Variants in CPEB1 observed in about 807,000 individuals in gnomAD.
The protein encoded by CPEB1 is cytoplasmic polyadenylation element binding protein 1.
Under a neutral mutation model 65.8 loss-of-function variants are expected in CPEB1, and 7 were observed. The ratio of observed to expected loss-of-function variants is 0.11; its 90% CI spans 0.06 to 0.20. The LOEUF is 0.20. Among genes scored for constraint, CPEB1 ranks in the 10% least tolerant of loss-of-function variants. CPEB1 has a pLI of 1.00. For missense variants in CPEB1, 551 were observed against 712.2 expected (o/e 0.77, Z 2.58); for synonymous variants, 262 against 260.0 (o/e 1.01, Z -0.08).
intron 3 of CPEB1, among the ~76,000 whole-genome samples, chr15:82,605,952 C>T (rs145560127): frequency 1.3e-5 from 2 of 152,220 alleles, no homozygotes; most frequent in Admixed American, 6.5e-5. Flanking sequence ...AGAGGAGAAT[C>T]GCTTGAACCC....
chr15:82,621,359 C>T (rs1441165691), intron 3 of CPEB1, among the ~76,000 whole-genome samples: 2 of 151,602 alleles, frequency 1.3e-5, no homozygotes, highest in Non-Finnish European at 2.9e-5. Context: ...CAGTGGCTCA[C>T]GCCTGTAATC....
chr15:82,559,065 C>T (rs1360640070), intron 4 of CPEB1, among the ~76,000 whole-genome samples: 1 of 152,056 alleles, frequency 6.6e-6, no homozygotes, highest in African/African-American at 2.4e-5. Flanking sequence ...GCCCCACTTC[C>T]GCCCTGACTA....
At chr15:82,600,939 C>G (rs2043060927) in intron 3 of CPEB1, among the ~76,000 whole-genome samples, 1 of 104,486 alleles carries the variant, frequency 9.6e-6, no homozygotes, top group African/African-American at 3.7e-5. Flanking sequence ...AAGTTTTGCT[C>G]TATTGCCCAG....
At chr15:82,562,042 C>T (rs2038309452) in intron 4 of CPEB1, 2 of 363,894 alleles carry the variant, frequency 5.5e-6, no homozygotes, top group Non-Finnish European at 1.1e-5. Flanking sequence ...GCTGTTACTA[C>T]TGCATCTTAA....
chr15:82,580,301 C>CAGAGCAAGACTCTGTCTT lies in CPEB1; in HGVS notation c.272-8787_272-8770dup, dbSNP rs2041145507. 3.6e-5 allele frequency among the ~76,000 whole-genome samples: 5 copies of CAGAGCAAGACTCTGTCTT among 137,408 alleles called. No individual in the cohort carries two copies. In the East Asian group the frequency reaches 1.1e-3, roughly 29 times the overall value. 90.1% of individuals were successfully genotyped at this position (137,408 alleles called of 152,430 possible). On this transcript the variant is annotated intron_variant, in intron 3 of 12. Transcript: ENST00000684509. ...ATGCCACTGCACTCCAGCCTGGAGA[C>CAGAGCAAGACTCTGTCTT]AGAGCAAGACTCTGTCTTAAAAAAA...
intron 7 of CPEB1, 138 bp from the exon 8 acceptor site, chr15:82,553,694 G>T (rs2036678536): frequency 7.7e-6 from 6 of 777,422 alleles, no homozygotes; most frequent in Non-Finnish European, 1.1e-5. Context: ...CTGATCTCCG[G>T]TGTAAGCTCC....
At chr15:82,631,153 C>G (rs957129884) in intron 1 of CPEB1, among the ~76,000 whole-genome samples, 1 of 151,980 alleles carries the variant, frequency 6.6e-6, no homozygotes, top group Non-Finnish European at 1.5e-5. Flanking sequence ...GGAAGGAAAT[C>G]TTACTATTTC....
At chr15:82,551,406 C>T (rs1159445558) in intron 9 of CPEB1, among the ~76,000 whole-genome samples, 1 of 152,020 alleles carries the variant, frequency 6.6e-6, no homozygotes, top group Non-Finnish European at 1.5e-5. Context: ...TTATACTGAC[C>T]CATCATCCCC....
intron 4 of CPEB1, among the ~76,000 whole-genome samples, chr15:82,569,424 G>T (rs1391498067): frequency 6.6e-6 from 1 of 152,162 alleles, no homozygotes; most frequent in East Asian, 1.9e-4. Flanking sequence ...TCTGGTTCTG[G>T]TCCTTATGAA....
intron 1 of CPEB1, among the ~76,000 whole-genome samples, chr15:82,645,773 C>G (rs1035774820): frequency 5.9e-5 from 9 of 152,026 alleles, no homozygotes; most frequent in African/African-American, 2.2e-4. Flanking sequence ...GAGGCTGAGG[C>G]AGGAGAATCG....
intron 3 of CPEB1, among the ~76,000 whole-genome samples, chr15:82,577,247 C>CA (rs2040750829): frequency 6.6e-6 from 1 of 152,142 alleles, no homozygotes; most frequent in South Asian, 2.1e-4. Context: ...TTTGTAGAGA[C>CA]AGAGTCTCAC....
intron 12 of CPEB1, among the ~76,000 whole-genome samples, chr15:82,545,114 C>T (rs1286943069): frequency 6.6e-6 from 1 of 152,154 alleles, no homozygotes; most frequent in Non-Finnish European, 1.5e-5. Context: ...GCTTTCTTCC[C>T]ATTAAGTGAG....
intron 3 of CPEB1, among the ~76,000 whole-genome samples, chr15:82,596,928 TC>T (rs2042710245): frequency 6.6e-6 from 1 of 152,206 alleles, no homozygotes; most frequent in African/African-American, 2.4e-5. Flanking sequence ...AGCTTCCCCT[TC>T]ATCCTCCAAT....
intron 3 of CPEB1, among the ~76,000 whole-genome samples, chr15:82,573,569 G>A (rs1231074837): frequency 1.3e-5 from 2 of 152,006 alleles, no homozygotes; most frequent in African/African-American, 4.8e-5. Context: ...ACCCCAATCT[G>A]AGGGCATCTA....
intron 3 of CPEB1, among the ~76,000 whole-genome samples, chr15:82,596,399 A>G (rs2042666535): frequency 6.6e-6 from 1 of 152,196 alleles, no homozygotes; most frequent in Non-Finnish European, 1.5e-5. Flanking sequence ...TATGTACTAA[A>G]AAGTTCATTA....
At chr15:82,610,275 A>C (rs1394588516) in intron 3 of CPEB1, among the ~76,000 whole-genome samples, 2 of 152,128 alleles carry the variant, frequency 1.3e-5, no homozygotes, top group African/African-American at 4.8e-5. Context: ...AATTCTACCA[A>C]AAACCTAAAA....
At chr15:82,579,418 T>C (rs77855679) in intron 3 of CPEB1, among the ~76,000 whole-genome samples, 1 of 152,134 alleles carries the variant, frequency 6.6e-6, no homozygotes, top group East Asian at 1.9e-4. Context: ...GACAGGTACC[T>C]TGTCTCAAAC....
intron 3 of CPEB1, among the ~76,000 whole-genome samples, chr15:82,596,697 C>CAAAA (rs59895391): frequency 3.4e-5 from 3 of 89,112 alleles, no homozygotes; most frequent in African/African-American, 4.2e-5. Context: ...GACTCTGTCT[C>CAAAA]AAAAAAAAAA....
intron 3 of CPEB1, among the ~76,000 whole-genome samples, chr15:82,592,669 T>G (rs768613807): frequency 2.0e-5 from 3 of 152,118 alleles, no homozygotes; most frequent in Non-Finnish European, 4.4e-5. Flanking sequence ...ATCATAATTT[T>G]AAAACACTTC....
Sources: allele counts gnomAD v4.1 joint callset (sites outside exome capture counted in the v4.1 genomes callset), GRCh38; gene constraint gnomAD v4.1.1; transcripts MANE v1.5; gene names NCBI Gene and HGNC (gene_info 2026-07-23, HGNC 2026-07-21).